Variants in PARG observed in about 807,000 individuals in gnomAD.
PARG encodes the protein mitochondrial poly(ADP-ribose) glycohydrolase.
A neutral mutation model predicts 113.0 loss-of-function variants in PARG; 35 were observed. The observed-to-expected ratio is 0.31, with a 90% CI of 0.24 to 0.41. PARG has a LOEUF of 0.41. PARG is among the 10% of genes least tolerant of loss of function. The pLI, the probability that PARG is intolerant of heterozygous loss-of-function variation, is 1.00. For missense variants in PARG, 797 were observed against 1,169.4 expected, an observed-to-expected ratio of 0.68 and a Z score of 4.64; for synonymous variants, 330 against 409.9, an observed-to-expected ratio of 0.81 and a Z score of 2.36.
chr10:49,876,987 A>G (rs1588929639), intron 9 of PARG, among the ~76,000 whole-genome samples: 2 of 151,500 alleles, frequency 1.3e-5, no homozygotes, highest in African/African-American at 4.8e-5. Flanking sequence ...TTTTAAAGAA[A>G]TTTTCTTAGA....
chr10:49,891,174 C>T (rs1172926012), intron 7 of PARG, among the ~76,000 whole-genome samples: 4 of 152,096 alleles, frequency 2.6e-5, no homozygotes, highest in African/African-American at 7.2e-5. Flanking sequence ...ATTAGCCAGG[C>T]GTGGTGGCAC....
At position 49,841,855 on chromosome 10, in the gene PARG, T is replaced by C. The variant is rs1588885343; in HGVS notation, c.2541+95A>G. 10 of 780,290 alleles carry C rather than the reference T, an allele frequency of 1.3e-5. No individual in the cohort carries two copies. In the East Asian group the frequency reaches 2.7e-4, roughly 21 times the overall value. 48.3% of individuals were successfully genotyped at this position (780,290 alleles called of 1,614,324 possible). A position where few individuals can be genotyped will look rare whatever the true frequency, so the allele number is the denominator to read the frequency against. ...GAGCTGTGGGCAGACATACTGACAC[T>C]GCAATAATTACCAGAAAGCATTAAT... is the stretch of plus-strand genomic sequence containing the variant. On this transcript the variant is annotated intron_variant, in intron 15 of 17. Coordinates refer to ENST00000616448, the MANE Select transcript of PARG (RefSeq NM_003631.5).
At chr10:49,890,955 T>C (rs1366290436) in intron 7 of PARG, among the ~76,000 whole-genome samples, 1 of 152,206 alleles carries the variant, frequency 6.6e-6, no homozygotes, top group East Asian at 1.9e-4. Flanking sequence ...AGAAGACCAG[T>C]GTTATTTCAA....
At chr10:49,940,653 A>G (rs1838993584) in intron 1 of PARG, among the ~76,000 whole-genome samples, 1 of 151,984 alleles carries the variant, frequency 6.6e-6, no homozygotes, top group Admixed American at 6.5e-5. Context: ...CAGCCTCCCG[A>G]GTAGCTGGGA....
chr10:49,910,217 T>C (rs1361247230), intron 7 of PARG, among the ~76,000 whole-genome samples: 1 of 152,026 alleles, frequency 6.6e-6, no homozygotes, highest in Non-Finnish European at 1.5e-5. Flanking sequence ...TGACAAGTCA[T>C]AGGACAAGAG....
intron 16 of PARG, among the ~76,000 whole-genome samples, chr10:49,830,701 G>C (rs1844614745): frequency 6.6e-6 from 1 of 152,100 alleles, no homozygotes. Flanking sequence ...TTGAACCTTA[G>C]AGAAATGAAA....
chr10:49,881,787 C>T (rs1847228621), intron 8 of PARG, among the ~76,000 whole-genome samples: 1 of 152,148 alleles, frequency 6.6e-6, no homozygotes, highest in African/African-American at 2.4e-5. Flanking sequence ...AACAAATAAG[C>T]AAAAGGTAAA....
chr10:49,937,455 G>A (rs1183898077), intron 1 of PARG, among the ~76,000 whole-genome samples: 3 of 148,570 alleles, frequency 2.0e-5, no homozygotes, highest in Non-Finnish European at 4.5e-5. Flanking sequence ...CAGCCTGGGC[G>A]ACAGTGTGAG....
chr10:49,820,053 C>G, intron 17 of PARG, 112 bp downstream of exon 17: 1 of 724,690 alleles, frequency 1.4e-6, no homozygotes, highest in Non-Finnish European at 2.3e-6. Flanking sequence ...TGCTTAGAGC[C>G]ATGCTTTTGT....
Position 49,928,911 on chromosome 10 carries a change from A to G in PARG, c.1455+3189T>C, listed in dbSNP as rs540911284. Among the ~76,000 whole-genome samples the G allele has an allele frequency of 4.5e-3, 688 of 152,368 alleles. 3 individuals carry two copies. The highest frequency in any genetic ancestry group is 0.017 in the Middle Eastern group (5 of 294). On this transcript the variant is annotated intron_variant, in intron 4 of 17. Coordinates refer to ENST00000616448, the MANE Select transcript of PARG (RefSeq NM_003631.5). Reference sequence around the variant, plus strand: ...TTAATTACATTTATATCTTATTATCATATTCAGGAATAAGAATCTAGAAGA... The same window carrying G: ...TTAATTACATTTATATCTTATTATCGTATTCAGGAATAAGAATCTAGAAGA...
chr10:49,918,240 C>A (rs1554848237), intron 6 of PARG, among the ~76,000 whole-genome samples: 1 of 152,162 alleles, frequency 6.6e-6, no homozygotes, highest in African/African-American at 2.4e-5. Context: ...TCAAATGACA[C>A]ACTTTAAAAG....
intron 6 of PARG, among the ~76,000 whole-genome samples, chr10:49,920,920 G>T (rs1258114542): frequency 4.6e-5 from 7 of 152,036 alleles, no homozygotes; most frequent in Non-Finnish European, 5.9e-5. Context: ...AAATAAGGCT[G>T]CCCCTAAAAC....
At chr10:49,900,610 C>T (rs1848308753) in intron 7 of PARG, among the ~76,000 whole-genome samples, 1 of 152,206 alleles carries the variant, frequency 6.6e-6, no homozygotes, top group Admixed American at 6.5e-5. Context: ...TAATAAACAG[C>T]AGAATTCTTA....
intron 14 of PARG, among the ~76,000 whole-genome samples, chr10:49,843,129 T>C (rs1845328222): frequency 6.6e-6 from 1 of 152,246 alleles, no homozygotes; most frequent in Admixed American, 6.5e-5. Context: ...AACTGGTTTG[T>C]GGCATTAGGT....
At chr10:49,845,163 T>C (rs1042484213) in intron 13 of PARG, among the ~76,000 whole-genome samples, 4 of 152,218 alleles carry the variant, frequency 2.6e-5, no homozygotes, top group African/African-American at 9.6e-5. Flanking sequence ...TTTATATTGC[T>C]GGGAGAACAT....
intron 15 of PARG, 145 bp from the exon 16 acceptor site, chr10:49,833,053 A>C: frequency 2.1e-6 from 1 of 475,810 alleles, no homozygotes; most frequent in Non-Finnish European, 3.8e-6. Flanking sequence ...TAGAGGGAAA[A>C]ACAAAGAGGG....
At position 49,879,583 on chromosome 10, in the gene PARG, C is replaced by T. The variant is rs782478461; in HGVS notation, c.1988+90G>A. The T allele has an allele frequency of 5.4e-5, 45 of 829,742 alleles. No homozygotes were observed. In the Admixed American group the frequency reaches 8.8e-4, roughly 16 times the overall value. The allele number at this position is 829,742 out of a possible 1,614,324, so 51.4% of individuals were successfully genotyped here. ...AAATAAGACAACTGCATATAAAATG[C>T]TTGGCCTATGGAATTCATTCAAAAA... On this transcript the variant is annotated intron_variant, in intron 9 of 17. Coordinates refer to ENST00000616448, the MANE Select transcript of PARG (RefSeq NM_003631.5).
intron 7 of PARG, among the ~76,000 whole-genome samples, chr10:49,904,546 G>A (rs1178062016): frequency 6.6e-6 from 1 of 151,934 alleles, no homozygotes; most frequent in Admixed American, 6.6e-5. Flanking sequence ...TAATGGGGGA[G>A]GGTGTGCATG....
chr10:49,886,158 T>G (rs1847467021), intron 7 of PARG, among the ~76,000 whole-genome samples: 1 of 152,248 alleles, frequency 6.6e-6, no homozygotes, highest in Admixed American at 6.5e-5. Flanking sequence ...GGAGGTTACC[T>G]GATCATCCTA....
Sources: gnomAD v4.1 joint callset for allele counts (sites outside exome capture counted in the v4.1 genomes callset) on GRCh38, gnomAD v4.1.1 for gene constraint, MANE v1.5 for transcripts, NCBI Gene and HGNC (gene_info 2026-07-23, HGNC 2026-07-21) for gene names.